The following MAP2 variants were observed in gnomAD, a reference collection of about 807,000 sequenced individuals.
MAP2 encodes the protein microtubule-associated protein 2.
In MAP2, 14 loss-of-function variants were observed where a neutral mutation model predicts 137.6. The ratio of observed to expected loss-of-function variants is 0.10; its 90% CI spans 0.07 to 0.16. The LOEUF is 0.16. Ranked by LOEUF, MAP2 falls within the 10% of genes least tolerant of loss-of-function variation. The probability of loss-of-function intolerance (pLI) is 1.00; values close to 1 mark genes in which losing one functional copy is unlikely to be tolerated. For synonymous variants in MAP2, 786 were observed against 782.3 expected (o/e 1.00, Z -0.08); for missense variants, 2,088 against 2,191.5 (o/e 0.95, Z 0.94).
intron 12 of MAP2, among the ~76,000 whole-genome samples, chr2:209,709,161 C>G (rs1472979080): frequency 1.3e-5 from 2 of 152,064 alleles, no homozygotes; most frequent in African/African-American, 4.8e-5. Context: ...GGATTTAACT[C>G]TAAACTGCCA....
At chr2:209,612,500 A>G (rs2087308681) in intron 3 of MAP2, among the ~76,000 whole-genome samples, 1 of 152,202 alleles carries the variant, frequency 6.6e-6, no homozygotes, top group African/African-American at 2.4e-5. Context: ...ATGTAATGCT[A>G]AAAACCAACT....
At chr2:209,495,296 A>G (rs1262462795) in intron 1 of MAP2, among the ~76,000 whole-genome samples, 2 of 152,240 alleles carry the variant, frequency 1.3e-5, no homozygotes, top group Non-Finnish European at 2.9e-5. Flanking sequence ...CCAGCTCTGA[A>G]GAGAGCGGCA....
chr2:209,468,957 A>G (rs1057202768), intron 1 of MAP2, among the ~76,000 whole-genome samples: 1 of 152,192 alleles, frequency 6.6e-6, no homozygotes, highest in African/African-American at 2.4e-5. Context: ...TCCAGCTTCC[A>G]GGATAACATC....
intron 5 of MAP2, among the ~76,000 whole-genome samples, chr2:209,666,354 T>C (rs1000081284): frequency 3.3e-5 from 5 of 152,112 alleles, no homozygotes; most frequent in African/African-American, 1.2e-4. Flanking sequence ...TTGAGTTTGA[T>C]GCAAATATAG....
At chr2:209,524,638 G>A (rs987607825) in intron 2 of MAP2, among the ~76,000 whole-genome samples, 2 of 152,066 alleles carry the variant, frequency 1.3e-5, no homozygotes, top group African/African-American at 4.8e-5. Context: ...TATTATATGT[G>A]TAAAATAATA....
chr2:209,683,246 T>C (rs1583324484), intron 7 of MAP2, among the ~76,000 whole-genome samples: 1 of 152,196 alleles, frequency 6.6e-6, no homozygotes, highest in Non-Finnish European at 1.5e-5. Context: ...TCAAGCTGTT[T>C]CAAGATATTC....
chr2:209,517,359 A>T (rs906374179), intron 2 of MAP2, among the ~76,000 whole-genome samples: 1 of 152,272 alleles, frequency 6.6e-6, no homozygotes, highest in Admixed American at 6.5e-5. Context: ...GAGGATGCAA[A>T]CATCAAGTAC....
intron 3 of MAP2, among the ~76,000 whole-genome samples, chr2:209,583,143 G>GTCTATCTATCTATCTA (rs752715711): frequency 0.018 from 1,671 of 93,966 alleles, 16 homozygotes; most frequent in African/African-American, 0.034. Context: ...CCATCTGTCT[G>GTCTATCTATCTATCTA]TCTGTCTATC....
chr2:209,608,969 TG>T (rs2085790439), intron 3 of MAP2, among the ~76,000 whole-genome samples: 1 of 152,102 alleles, frequency 6.6e-6, no homozygotes, highest in South Asian at 2.1e-4. Flanking sequence ...TAATTAAAAT[TG>T]AATGTAATAT....
At chr2:209,628,359 TA>T (rs2092631190) in intron 4 of MAP2, among the ~76,000 whole-genome samples, 1 of 152,036 alleles carries the variant, frequency 6.6e-6, no homozygotes, top group Non-Finnish European at 1.5e-5. Flanking sequence ...GTGCAGTGGT[TA>T]GCAACTCTGA....
intron 2 of MAP2, among the ~76,000 whole-genome samples, chr2:209,525,122 A>G (rs546495981): frequency 2.0e-5 from 3 of 152,148 alleles, no homozygotes; most frequent in Non-Finnish European, 4.4e-5. Flanking sequence ...AAATTAAATA[A>G]AGACTATTCT....
intron 7 of MAP2, chr2:209,684,802 T>A (rs1440298899): frequency 6.6e-6 from 1 of 152,188 alleles, no homozygotes; most frequent in Non-Finnish European, 1.5e-5. Context: ...CCCAGAAGCA[T>A]GCCCACTTCT....
At chr2:209,679,251 A>G (rs76602796) in intron 6 of MAP2, among the ~76,000 whole-genome samples, 1,720 of 152,122 alleles carry the variant, frequency 0.011, 28 homozygotes, top group African/African-American at 0.04. Flanking sequence ...AATGCCCTCC[A>G]TGCCAAGCAA....
chr2:209,476,499 T>C (rs867497755), intron 1 of MAP2, among the ~76,000 whole-genome samples: 1 of 152,094 alleles, frequency 6.6e-6, no homozygotes, highest in Middle Eastern at 3.4e-3. Context: ...TGAAATATAG[T>C]ATCCTGGTCA....
intron 2 of MAP2, among the ~76,000 whole-genome samples, chr2:209,510,595 A>G (rs937623715): frequency 1.4e-4 from 22 of 152,102 alleles, no homozygotes; most frequent in African/African-American, 5.3e-4. Context: ...TGCAATACCC[A>G]TGCCAATGTT....
intron 1 of MAP2, among the ~76,000 whole-genome samples, chr2:209,428,854 C>T (rs1363681382): frequency 6.6e-6 from 1 of 152,036 alleles, no homozygotes; most frequent in Non-Finnish European, 1.5e-5. Context: ...TATTCAGGTT[C>T]CCTTAGGTTA....
intron 2 of MAP2, among the ~76,000 whole-genome samples, chr2:209,540,685 A>C (rs1351439124): frequency 6.8e-6 from 1 of 147,980 alleles, no homozygotes; most frequent in African/African-American, 2.6e-5. Flanking sequence ...AGAAAATCAC[A>C]GCACTTTATT....
intron 3 of MAP2, among the ~76,000 whole-genome samples, chr2:209,614,661 C>G (rs2710486): frequency 0.33 from 50,013 of 152,060 alleles, 14,418 homozygotes; most frequent in African/African-American, 0.78. Context: ...TTTTAAAATG[C>G]GTTATTACAA....
In MAP2 at chr2:209,567,249, T is replaced by C. The variant is rs558881377; in HGVS notation, c.-171-12787T>C. Among the ~76,000 whole-genome samples the C allele has an allele frequency of 2.0e-5, 3 of 152,208 alleles. No individual in the cohort carries two copies. The East Asian group carries it at 5.8e-4, about 29-fold the overall frequency. ...AGTGTAAAAGGAGCCTACCAGATAT[T>C]AGAGAAAGTTTTGTAAAACACATCA... On this transcript the variant is annotated intron_variant, in intron 2 of 15. Transcript: ENST00000682079.
Sources: allele counts gnomAD v4.1 joint callset (sites outside exome capture counted in the v4.1 genomes callset), GRCh38; gene constraint gnomAD v4.1.1; transcripts MANE v1.5; gene names NCBI Gene and HGNC (gene_info 2026-07-23, HGNC 2026-07-21).